Variants in SORCS2 observed in about 807,000 individuals in gnomAD.
The protein encoded by SORCS2 is sortilin related VPS10 domain containing receptor 2.
A neutral mutation model predicts 141.6 loss-of-function variants in SORCS2; 100 were observed. The observed-to-expected ratio is 0.71, with a 90% CI of 0.60 to 0.83. The LOEUF is 0.83. SORCS2 is among the 40% of genes least tolerant of loss of function. The pLI is 0.00. For missense variants in SORCS2, 1,646 were observed against 1,560.2 expected, an observed-to-expected ratio of 1.05 and a Z score of -0.93; for synonymous variants, 789 against 676.9, an observed-to-expected ratio of 1.17 and a Z score of -2.57.
chr4:7,615,534 A>G (rs1193060533), intron 3 of SORCS2, among the ~76,000 whole-genome samples: 1 of 152,194 alleles, frequency 6.6e-6, no homozygotes, highest in Non-Finnish European at 1.5e-5. Flanking sequence ...GGACATGGTT[A>G]CATACCTGCC....
At chr4:7,676,607 G>A (rs997185397) in intron 9 of SORCS2, among the ~76,000 whole-genome samples, 3 of 151,446 alleles carry the variant, frequency 2.0e-5, no homozygotes, top group African/African-American at 7.3e-5. Flanking sequence ...ACCCCTGAGG[G>A]CAGTGCTTCT....
chr4:7,396,263 C>G (rs779642908), intron 1 of SORCS2, 25 bp from the exon 2 acceptor site: 1 of 1,612,220 alleles, frequency 6.2e-7, no homozygotes. Flanking sequence ...TGATTTCTGC[C>G]TTTTACTTTC....
intron 1 of SORCS2, among the ~76,000 whole-genome samples, chr4:7,242,657 C>T (rs934300654): frequency 3.9e-5 from 6 of 152,238 alleles, no homozygotes; most frequent in Non-Finnish European, 8.8e-5. Flanking sequence ...TTCCCAAGCC[C>T]GCCCACACTT....
intron 1 of SORCS2, among the ~76,000 whole-genome samples, chr4:7,236,792 G>T (rs1712311213): frequency 6.6e-6 from 1 of 152,202 alleles, no homozygotes; most frequent in African/African-American, 2.4e-5. Flanking sequence ...TGTTGGCCAG[G>T]CTGGTCTCGA....
chr4:7,495,343 C>T (rs1042927080), intron 2 of SORCS2, among the ~76,000 whole-genome samples: 21 of 152,224 alleles, frequency 1.4e-4, no homozygotes, highest in Non-Finnish European at 1.5e-5. Context: ...CCAGCGTTGC[C>T]TTTTGAAGGT....
intron 3 of SORCS2, among the ~76,000 whole-genome samples, chr4:7,599,782 A>G (rs541033494): frequency 6.7e-6 from 1 of 150,188 alleles, no homozygotes; most frequent in South Asian, 2.1e-4. Context: ...TCTTTGCCCT[A>G]GAGCTTCATC....
At chr4:7,547,869 A>G (rs1713386799) in intron 3 of SORCS2, among the ~76,000 whole-genome samples, 2 of 152,222 alleles carry the variant, frequency 1.3e-5, no homozygotes, top group Non-Finnish European at 2.9e-5. Context: ...ATCAATTTGA[A>G]CAAACAAACG....
At chr4:7,633,229 T>C in intron 3 of SORCS2, among the ~76,000 whole-genome samples, 1 of 152,130 alleles carries the variant, frequency 6.6e-6, no homozygotes, top group East Asian at 1.9e-4. Flanking sequence ...GTTGTCAGGA[T>C]GCAAACATCC....
chr4:7,364,115 T>TCACCAC (rs72444327), intron 1 of SORCS2, among the ~76,000 whole-genome samples: 1 of 151,694 alleles, frequency 6.6e-6, no homozygotes, highest in African/African-American at 2.4e-5. Context: ...ATTGTCACCA[T>TCACCAC]CACCACCACC....
At position 7,714,378 on chromosome 4, in the gene SORCS2, G is replaced by C. The variant is rs761375490; in HGVS notation, c.2123+5G>C. 4 of 1,550,502 alleles carry C rather than the reference G, an allele frequency of 2.6e-6. No individual in the cohort carries two copies. The highest frequency in any genetic ancestry group is 3.5e-6 in the Non-Finnish European group (4 of 1,146,792). ...CCGGGACTCGGACTTCCTGTGGTGAGCGACGGGCTCCTGGCCACGAGGCCT... is the reference window on the plus strand; with the variant it reads ...CCGGGACTCGGACTTCCTGTGGTGACCGACGGGCTCCTGGCCACGAGGCCT... On this transcript the variant is annotated splice_donor_5th_base_variant and intron_variant, in intron 16 of 26. Transcript: ENST00000507866.
At chr4:7,223,295 GCA>G (rs10553971) in intron 1 of SORCS2, among the ~76,000 whole-genome samples, 55,020 of 129,516 alleles carry the variant, frequency 0.42, 10,300 homozygotes, top group South Asian at 0.52. Flanking sequence ...GTGTATATGC[GCA>G]CACACACACA....
At chr4:7,360,729 C>T (rs1162614457) in intron 1 of SORCS2, among the ~76,000 whole-genome samples, 2 of 151,538 alleles carry the variant, frequency 1.3e-5, no homozygotes, top group East Asian at 3.9e-4. Flanking sequence ...ACTATAGGCA[C>T]ACACCACCAC....
chr4:7,308,464 G>A (rs940478987), intron 1 of SORCS2, among the ~76,000 whole-genome samples: 2 of 152,142 alleles, frequency 1.3e-5, no homozygotes, highest in Non-Finnish European at 2.9e-5. Flanking sequence ...CTCTTCTTCC[G>A]ATGCCAGGTT....
chr4:7,536,784 T>G (rs1282304078), intron 3 of SORCS2, among the ~76,000 whole-genome samples: 1 of 150,508 alleles, frequency 6.6e-6, no homozygotes, highest in African/African-American at 2.5e-5. Flanking sequence ...TGATCATTTT[T>G]GGTGTATCAC....
intron 1 of SORCS2, among the ~76,000 whole-genome samples, chr4:7,331,712 C>A (rs1366589218): frequency 6.6e-6 from 1 of 152,168 alleles, no homozygotes; most frequent in Non-Finnish European, 1.5e-5. Flanking sequence ...GCAGGAAAGT[C>A]TGTTTCTAAC....
intron 1 of SORCS2, among the ~76,000 whole-genome samples, chr4:7,203,238 C>CT (rs1727566885): frequency 6.6e-6 from 1 of 152,216 alleles, no homozygotes; most frequent in Non-Finnish European, 1.5e-5. Context: ...TTGAGATCAG[C>CT]CTGGCCAACA....
intron 3 of SORCS2, among the ~76,000 whole-genome samples, chr4:7,540,870 G>C (rs917777326): frequency 6.6e-6 from 1 of 152,240 alleles, no homozygotes; most frequent in African/African-American, 2.4e-5. Context: ...GCCTGACTCA[G>C]CAGCTCAGGC....
chr4:7,700,304 G>C (rs916275142), intron 12 of SORCS2, among the ~76,000 whole-genome samples: 7 of 152,220 alleles, frequency 4.6e-5, no homozygotes, highest in African/African-American at 1.7e-4. Context: ...CTGAAACTGG[G>C]CTCGAGGGTA....
intron 3 of SORCS2, among the ~76,000 whole-genome samples, chr4:7,610,789 G>T (rs544010844): frequency 6.6e-6 from 1 of 152,288 alleles, no homozygotes; most frequent in South Asian, 2.1e-4. Flanking sequence ...TCAGCACTAC[G>T]ATTGGTAAAG....
Sources: allele counts gnomAD v4.1 joint callset (sites outside exome capture counted in the v4.1 genomes callset), GRCh38; gene constraint gnomAD v4.1.1; transcripts MANE v1.5; gene names NCBI Gene and HGNC (gene_info 2026-07-23, HGNC 2026-07-21).